Variants in PGAP4 observed in about 807,000 individuals in gnomAD.
The protein encoded by PGAP4 is post-GPI attachment to proteins GalNAc transferase 4.
PGAP4 carries 12 observed loss-of-function variants against 28.2 expected under a neutral mutation model. The ratio of observed to expected loss-of-function variants is 0.42; its 90% CI spans 0.27 to 0.69. The LOEUF is 0.69. PGAP4 is among the 30% of genes least tolerant of loss of function. The probability of loss-of-function intolerance (pLI) is 0.22; values close to 1 mark genes in which losing one functional copy is unlikely to be tolerated. For missense variants in PGAP4, 425 were observed against 513.5 expected (o/e 0.83, Z 1.67); for synonymous variants, 205 against 211.8 (o/e 0.97, Z 0.28).
In PGAP4 at chr9:101,520,972, T is replaced by C. The variant is rs1398576129; in HGVS notation, c.-165+10376A>G. On this transcript the variant is annotated intron_variant, in intron 2 of 3. Transcript: ENST00000374851. ...AATACTTTTTTTGCATCTATTGAGA[T>C]GATCATGTGATTTTTGTTTTTAATT... Among the ~76,000 whole-genome samples, 30 of 152,208 alleles carry C rather than the reference T, an allele frequency of 2.0e-4. 1 individual carries two copies. Among genetic ancestry groups the C allele is most frequent in the Admixed American group, 2.0e-3 (30 of 15,282 alleles).
At chr9:101,504,348 T>A (rs1588206921) in intron 2 of PGAP4, among the ~76,000 whole-genome samples, 1 of 151,400 alleles carries the variant, frequency 6.6e-6, no homozygotes, top group Admixed American at 6.6e-5. Context: ...TATTTGTAGG[T>A]GGGATGCTGC....
At chr9:101,485,455 T>C (rs1270094446) in intron 1 of PGAP4, among the ~76,000 whole-genome samples, 2 of 152,178 alleles carry the variant, frequency 1.3e-5, no homozygotes, top group Non-Finnish European at 1.5e-5. Context: ...ATACTCGCTA[T>C]AGTGCAACAC....
chr9:101,511,388 G>A (rs553028189), intron 2 of PGAP4, among the ~76,000 whole-genome samples: 28 of 152,284 alleles, frequency 1.8e-4, no homozygotes, highest in African/African-American at 6.7e-4. Context: ...AGGGGTTGGG[G>A]ATCCCTGCTA....
rs73657954 is a variant in PGAP4, at chr9:101,494,822, G to C, written c.-164-5622C>G. On this transcript the variant is annotated intron_variant, in intron 2 of 3. Coordinates refer to the PGAP4 transcript ENST00000374851. ...GACAAGGAAACTAGTTATTTTTACT[G>C]TATGTAGCATTTTAAGATAACCAGA... is the stretch of plus-strand genomic sequence containing the variant. Among the ~76,000 whole-genome samples, 318 of 151,558 alleles carry C rather than the reference G, an allele frequency of 2.1e-3. 2 individuals carry two copies. Among genetic ancestry groups the C allele is most frequent in the African/African-American group, 7.3e-3 (303 of 41,486 alleles).
At chr9:101,520,078 C>T (rs1174116739) in intron 2 of PGAP4, among the ~76,000 whole-genome samples, 4 of 152,126 alleles carry the variant, frequency 2.6e-5, no homozygotes, top group Non-Finnish European at 4.4e-5. Context: ...GGTCTATGTG[C>T]CTATTTTTGT....
Position 101,476,056 on chromosome 9 carries a change from C to A in PGAP4, c.1037G>T (p.Arg346Leu). 1 of 1,614,130 alleles carries A rather than the reference C, an allele frequency of 6.2e-7. No individual in the cohort carries two copies. The highest frequency in any genetic ancestry group is 8.5e-7 in the Non-Finnish European group (1 of 1,180,032). The change falls in exon 2 of 2, where the codon CGG (arginine) becomes CTG (leucine). Residue 346 changes from arginine to leucine, a missense_variant. Transcript: ENST00000374848. This position sits in a 1 kb window ranked among gnomAD's most constrained non-coding sequence, Gnocchi z 7.0. ...CACTTGGGACAGGTAGGTGAGGGTCCGGCGGGCCGCAGGTGCCGGGAAGAG... is the reference window on the plus strand; with the variant it reads ...CACTTGGGACAGGTAGGTGAGGGTCAGGCGGGCCGCAGGTGCCGGGAAGAG... ...AMLFPAPAARRTLTYLSQVYC... is the reference protein window; with the variant it reads ...AMLFPAPAARLTLTYLSQVYC...
At chr9:101,510,743 A>T (rs182422912) in intron 2 of PGAP4, among the ~76,000 whole-genome samples, 2 of 152,154 alleles carry the variant, frequency 1.3e-5, no homozygotes, top group African/African-American at 4.8e-5. Flanking sequence ...TGACAAGTAC[A>T]CAATGCGGGA....
upstream of PGAP4, among the ~76,000 whole-genome samples, chr9:101,488,467 C>A (rs569246621): frequency 6.6e-6 from 1 of 152,278 alleles, no homozygotes; most frequent in Non-Finnish European, 1.5e-5. Flanking sequence ...CTCCTCTGTG[C>A]CTCAATGTTC....
intron 1 of PGAP4, among the ~76,000 whole-genome samples, chr9:101,485,419 T>C (rs1826589517): frequency 6.6e-6 from 1 of 152,172 alleles, no homozygotes; most frequent in Admixed American, 6.5e-5. Context: ...TCATTTGGAA[T>C]TAGAACTAGT....
intron 2 of PGAP4, among the ~76,000 whole-genome samples, chr9:101,524,164 C>T (rs1396036157): frequency 6.6e-6 from 1 of 151,002 alleles, no homozygotes; most frequent in Admixed American, 6.6e-5. Context: ...CAATGGACTC[C>T]GTGAGGGTCC....
intron 2 of PGAP4, among the ~76,000 whole-genome samples, chr9:101,508,196 C>T (rs1242924954): frequency 2.7e-5 from 4 of 145,476 alleles, no homozygotes; most frequent in African/African-American, 1.0e-4. Context: ...GCTGGATATG[C>T]ATTCACCATC....
chr9:101,474,926 C>T lies in PGAP4; in HGVS notation c.*955G>A, dbSNP rs1019563242. 26 of 150,916 alleles carry T rather than the reference C, an allele frequency of 1.7e-4. No homozygotes were observed. The highest frequency in any genetic ancestry group is 6.1e-4 in the African/African-American group (25 of 40,962). 9.3% of individuals were successfully genotyped at this position (150,916 alleles called of 1,614,324 possible). A position where few individuals can be genotyped will look rare whatever the true frequency, so the allele number is the denominator to read the frequency against. On this transcript the variant is annotated 3_prime_UTR_variant, in exon 2 of 2. Transcript: ENST00000374848. ...TTATATGACCTGCCCAAGGTGGTCA[C>T]GTCGTTAGGCCATGGCAGAGATCTG...
chr9:101,493,585 T>C (rs1826711055), intron 2 of PGAP4, among the ~76,000 whole-genome samples: 1 of 152,220 alleles, frequency 6.6e-6, no homozygotes, highest in African/African-American at 2.4e-5. Flanking sequence ...GAAATTTTAA[T>C]TAAACTATGA....
intron 1 of PGAP4, among the ~76,000 whole-genome samples, chr9:101,532,232 T>C (rs1827101555): frequency 6.7e-6 from 1 of 148,750 alleles, no homozygotes; most frequent in South Asian, 2.1e-4. Context: ...ATTGTGCCAC[T>C]GCACTCCAGC....
chr9:101,496,258 G>C lies in PGAP4; in HGVS notation c.-164-7058C>G, dbSNP rs551735579. Among the ~76,000 whole-genome samples, 178 of 151,422 alleles carry C rather than the reference G, an allele frequency of 1.2e-3. 2 individuals are homozygous for C. Among genetic ancestry groups the C allele is most frequent in the African/African-American group, 4.2e-3 (173 of 41,436 alleles). ...AGGAGTTGACAAAGGTTGAGAGAGA[G>C]AGTTATCACCTCAACTAAGAAAAAA... On this transcript the variant is annotated intron_variant, in intron 2 of 3. Coordinates refer to the PGAP4 transcript ENST00000374851.
At chr9:101,521,115 T>C (rs1391254613) in intron 2 of PGAP4, among the ~76,000 whole-genome samples, 1 of 152,176 alleles carries the variant, frequency 6.6e-6, no homozygotes, top group Non-Finnish European at 1.5e-5. Context: ...TTGGATTGGG[T>C]TAGCTACTAT....
In PGAP4 at chr9:101,475,760, G is replaced by C; in HGVS notation, c.*121C>G. On this transcript the variant is annotated 3_prime_UTR_variant, in exon 2 of 2. Transcript: ENST00000374848. Reference sequence around the variant, plus strand: ...ATATTGAGGTTCCTCAGCTGCCCCAGTGCCTATATCTCTAACAACAGTAAA... The same window carrying C: ...ATATTGAGGTTCCTCAGCTGCCCCACTGCCTATATCTCTAACAACAGTAAA... 2.7e-6 allele frequency: 3 copies of C among 1,126,238 alleles called. No homozygotes were observed. Among genetic ancestry groups the C allele is most frequent in the Non-Finnish European group, 3.8e-6 (3 of 783,206 alleles). The allele number at this position is 1,126,238 out of a possible 1,614,324, so 69.8% of individuals were successfully genotyped here. A position where few individuals can be genotyped will look rare whatever the true frequency, so the allele number is the denominator to read the frequency against.
Position 101,476,311 on chromosome 9 carries a change from C to T in PGAP4, c.782G>A (p.Arg261Gln), listed in dbSNP as rs1407947533. The T allele has an allele frequency of 1.2e-5, 20 of 1,613,962 alleles. No homozygotes were observed. The highest frequency in any genetic ancestry group is 1.7e-5 in the Non-Finnish European group (20 of 1,180,026). Residue 261 changes from arginine to glutamine, a missense_variant, in exon 2 of 2, where the codon CGG (arginine) becomes CAG (glutamine). Transcript: ENST00000374848. The surrounding 1 kb of genome is among the most constrained non-coding windows in gnomAD (Gnocchi z 7.0). ...LQHYINPEPMRILEWVGVGML... is the reference protein window; with the variant it reads ...LQHYINPEPMQILEWVGVGML... ...GCCTACACCAACCCATTCCAGGATC[C>T]GCATGGGCTCTGGATTGATGTAGTG...
chr9:101,515,523 G>A (rs1240104688), intron 2 of PGAP4, among the ~76,000 whole-genome samples: 1 of 152,142 alleles, frequency 6.6e-6, no homozygotes, highest in Non-Finnish European at 1.5e-5. Context: ...ATGTTTCCAA[G>A]TATAGGCACT....
Sources: allele counts gnomAD v4.1 joint callset (sites outside exome capture counted in the v4.1 genomes callset), GRCh38; gene constraint gnomAD v4.1.1; non-coding constraint Gnocchi (gnomAD v3.1); transcripts MANE v1.5; gene names NCBI Gene and HGNC (gene_info 2026-07-23, HGNC 2026-07-21).